Variants in GLIS3 observed in about 807,000 individuals in gnomAD.
The protein encoded by GLIS3 is GLIS family zinc finger 3, also known as zinc finger protein GLIS3.
In GLIS3, 53 loss-of-function variants were observed where a neutral mutation model predicts 78.6. The ratio of observed to expected loss-of-function variants is 0.67; its 90% CI spans 0.54 to 0.85. The LOEUF (loss-of-function observed/expected upper bound fraction) is 0.85. Among genes scored for constraint, GLIS3 ranks in the 40% least tolerant of loss-of-function variants. The pLI is 0.00. For missense variants in GLIS3, 1,703 were observed against 1,231.1 expected, an observed-to-expected ratio of 1.38 and a Z score of -5.74; for synonymous variants, 684 against 509.9, an observed-to-expected ratio of 1.34 and a Z score of -4.60.
intron 8 of GLIS3, among the ~76,000 whole-genome samples, chr9:3,873,850 C>T (rs1479736455): frequency 1.3e-5 from 2 of 151,914 alleles, no homozygotes; most frequent in Non-Finnish European, 2.9e-5. Flanking sequence ...AAAAAACTGG[C>T]ATTCCTTATT....
the GLIS3 span, among the ~76,000 whole-genome samples, chr9:4,386,205 C>A: frequency 6.6e-6 from 1 of 152,146 alleles, no homozygotes; most frequent in Non-Finnish European, 1.5e-5. Context: ...AATCACCCTA[C>A]TCAGAAGGAG....
At chr9:4,182,579 C>G (rs537654525) in intron 2 of GLIS3, among the ~76,000 whole-genome samples, 1 of 152,156 alleles carries the variant, frequency 6.6e-6, no homozygotes, top group African/African-American at 2.4e-5. Flanking sequence ...GGTATCACCA[C>G]AAACATCTTG....
intron 2 of GLIS3, among the ~76,000 whole-genome samples, chr9:4,283,960 A>C (rs1827775013): frequency 6.6e-6 from 1 of 152,252 alleles, no homozygotes; most frequent in South Asian, 2.1e-4. Context: ...CTGAGCAAGG[A>C]AACAAAAAGC....
chr9:4,156,226 T>A (rs1303811321), intron 2 of GLIS3, among the ~76,000 whole-genome samples: 1 of 152,192 alleles, frequency 6.6e-6, no homozygotes, highest in East Asian at 1.9e-4. Context: ...CACATTCACA[T>A]AGAAATAAGG....
At chr9:4,278,508 A>G (rs570972073) in intron 2 of GLIS3, among the ~76,000 whole-genome samples, 1 of 152,340 alleles carries the variant, frequency 6.6e-6, no homozygotes, top group South Asian at 2.1e-4. Context: ...CACAAAGAAT[A>G]ATGATGGTAA....
chr9:4,229,273 T>C (rs1822049111), intron 2 of GLIS3, among the ~76,000 whole-genome samples: 1 of 152,254 alleles, frequency 6.6e-6, no homozygotes, highest in East Asian at 1.9e-4. Flanking sequence ...TGCAAAAATT[T>C]TACCATGCGC....
At position 3,827,328 on chromosome 9, in the gene GLIS3, G is replaced by C. The variant is rs563023701; in HGVS notation, c.*944C>G. On this transcript the variant is annotated 3_prime_UTR_variant, in exon 11 of 11. Coordinates refer to ENST00000381971, the MANE Select transcript of GLIS3 (RefSeq NM_001042413.2). ...GTTCTCACATCTGGCACTTCTCTGG[G>C]TGCAGCACCAGAGTGGAGGCAATGG... 9.8e-5 allele frequency: 15 copies of C among 152,350 alleles called. No individual in the cohort carries two copies. The highest frequency in any genetic ancestry group is 3.6e-4 in the African/African-American group (15 of 41,562). 9.4% of individuals were successfully genotyped at this position (152,350 alleles called of 1,614,324 possible). A position where few individuals can be genotyped will look rare whatever the true frequency, so the allele number is the denominator to read the frequency against.
chr9:4,359,062 G>T, the GLIS3 span, among the ~76,000 whole-genome samples: 4 of 152,128 alleles, frequency 2.6e-5, no homozygotes, highest in Non-Finnish European at 5.9e-5. Context: ...TGAAAGGGAG[G>T]TTCCAAGTAC....
chr9:4,365,372 A>G, the GLIS3 span, among the ~76,000 whole-genome samples: 1 of 152,028 alleles, frequency 6.6e-6, no homozygotes, highest in African/African-American at 2.4e-5. Context: ...CCTGGCCAAT[A>G]TGGTAAAACC....
chr9:3,912,256 C>G (rs1186321751), intron 6 of GLIS3, among the ~76,000 whole-genome samples: 3 of 152,150 alleles, frequency 2.0e-5, no homozygotes, highest in African/African-American at 7.2e-5. Flanking sequence ...CTTAGTAACT[C>G]ACTGGGCTCT....
intron 4 of GLIS3, among the ~76,000 whole-genome samples, chr9:4,007,081 A>C (rs1369203726): frequency 1.3e-5 from 2 of 152,196 alleles, no homozygotes; most frequent in Non-Finnish European, 2.9e-5. Context: ...GGAGACCAAG[A>C]ATTCAACTCA....
At position 4,273,488 on chromosome 9, in the gene GLIS3, G is replaced by A. The variant is rs185125949; in HGVS notation, c.388+12550C>T. 3.6e-4 allele frequency among the ~76,000 whole-genome samples: 55 copies of A among 152,220 alleles called. No homozygotes were observed. In the East Asian group the frequency reaches 9.1e-3, roughly 25 times the overall value. On this transcript the variant is annotated intron_variant, in intron 2 of 10. Transcript: ENST00000381971. ...AATGCCTGTGGTCCCCACTACTCAG[G>A]AGGCTGAGGTGGAATCATCACTTGA...
At chr9:3,952,026 A>G (rs191975232) in intron 4 of GLIS3, among the ~76,000 whole-genome samples, 1 of 152,226 alleles carries the variant, frequency 6.6e-6, no homozygotes, top group Admixed American at 6.5e-5. Flanking sequence ...GGGAAACCAG[A>G]AACTGCCTAG....
At chr9:4,260,591 C>T (rs775587036) in intron 2 of GLIS3, among the ~76,000 whole-genome samples, 23 of 145,392 alleles carry the variant, frequency 1.6e-4, no homozygotes, top group Non-Finnish European at 2.9e-4. Flanking sequence ...AAGATAAATA[C>T]AAAAATTAGC....
At chr9:4,059,724 C>G (rs1396795832) in intron 4 of GLIS3, among the ~76,000 whole-genome samples, 1 of 152,006 alleles carries the variant, frequency 6.6e-6, no homozygotes, top group Admixed American at 6.6e-5. Flanking sequence ...GATTCCTCCT[C>G]TTGCCAGCAC....
At chr9:4,050,162 G>T (rs1418933486) in intron 4 of GLIS3, among the ~76,000 whole-genome samples, 2 of 151,016 alleles carry the variant, frequency 1.3e-5, no homozygotes, top group Admixed American at 6.6e-5. Flanking sequence ...TGTTTATTGC[G>T]GCCTATTCAC....
intron 2 of GLIS3, among the ~76,000 whole-genome samples, chr9:4,216,112 T>C (rs1484116053): frequency 1.3e-5 from 2 of 152,170 alleles, no homozygotes; most frequent in East Asian, 3.8e-4. Flanking sequence ...TGACTTTTTC[T>C]TCCATTTAAA....
At chr9:4,051,735 G>A (rs992096495) in intron 4 of GLIS3, among the ~76,000 whole-genome samples, 6 of 152,162 alleles carry the variant, frequency 3.9e-5, no homozygotes, top group Non-Finnish European at 8.8e-5. Flanking sequence ...ATTCTAGGCT[G>A]CAGTATTTTC....
chr9:4,262,318 A>G (rs1825605762), intron 2 of GLIS3, among the ~76,000 whole-genome samples: 1 of 152,162 alleles, frequency 6.6e-6, no homozygotes, highest in African/African-American at 2.4e-5. Flanking sequence ...CTATTTTTGC[A>G]AATTCACTCA....
Sources: allele counts gnomAD v4.1 joint callset (sites outside exome capture counted in the v4.1 genomes callset), GRCh38; gene constraint gnomAD v4.1.1; transcripts MANE v1.5; gene names NCBI Gene and HGNC (gene_info 2026-07-23, HGNC 2026-07-21).